The following PAFAH1B1 variants were observed in gnomAD, a reference collection of about 807,000 sequenced individuals.
PAFAH1B1 encodes the protein platelet activating factor acetylhydrolase 1b regulatory subunit 1.
In PAFAH1B1, 2 loss-of-function variants were observed where a neutral mutation model predicts 57.5. The observed-to-expected ratio is 0.03, with a 90% CI of 0.01 to 0.11. PAFAH1B1 has a LOEUF of 0.11. PAFAH1B1 is among the 10% of genes least tolerant of loss of function. The pLI is 1.00. For synonymous variants in PAFAH1B1, 152 were observed against 169.6 expected (o/e 0.90, Z 0.81); for missense variants, 257 against 512.0 (o/e 0.50, Z 4.81).
intron 1 of PAFAH1B1, among the ~76,000 whole-genome samples, chr17:2,608,963 A>G (rs1486698821): frequency 6.6e-6 from 1 of 152,176 alleles, no homozygotes; most frequent in Admixed American, 6.5e-5. Flanking sequence ...ATATTTATTC[A>G]TTATCTAGCC....
rs138825463 is a variant in PAFAH1B1, at chr17:2,605,921, A to G, written c.-191+11915A>G. Among the ~76,000 whole-genome samples the G allele has an allele frequency of 5.6e-3, 849 of 152,238 alleles. 4 individuals are homozygous for G. The highest frequency in any genetic ancestry group is 8.2e-3 in the Non-Finnish European group (561 of 68,028). The stretch of plus-strand genomic sequence containing the variant: ...GACCTTTGCTTTCTGCTTTCTTGTG[A>G]TGGCAAAAATGATTTGTTGTCTGTC... On this transcript the variant is annotated intron_variant, in intron 1 of 10. Coordinates refer to ENST00000397195, the MANE Select transcript of PAFAH1B1 (RefSeq NM_000430.4).
chr17:2,651,660 T>C (rs2068851700), intron 2 of PAFAH1B1, among the ~76,000 whole-genome samples: 1 of 137,358 alleles, frequency 7.3e-6, no homozygotes, highest in Non-Finnish European at 1.7e-5. Context: ...GTAAACCTCC[T>C]TGCTTCTCTT....
chr17:2,617,638 C>G (rs1236985640), intron 1 of PAFAH1B1, among the ~76,000 whole-genome samples: 1 of 152,178 alleles, frequency 6.6e-6, no homozygotes, highest in Non-Finnish European at 1.5e-5. Context: ...GTGTTTGAGG[C>G]CAGGCATGGT....
intron 2 of PAFAH1B1, among the ~76,000 whole-genome samples, chr17:2,653,522 A>G (rs2068895675): frequency 6.6e-6 from 1 of 152,092 alleles, no homozygotes; most frequent in South Asian, 2.1e-4. Flanking sequence ...TCAAACAGGT[A>G]TTTTCCACTC....
intron 5 of PAFAH1B1, chr17:2,667,612 T>G (rs1243016351): frequency 4.3e-6 from 1 of 232,894 alleles, no homozygotes; most frequent in African/African-American, 2.4e-5. Flanking sequence ...AGTGTGTGTC[T>G]TACCTTTAAA....
chr17:2,670,421 A>C, intron 6 of PAFAH1B1, 90 bp downstream of exon 6: 3 of 1,189,358 alleles, frequency 2.5e-6, no homozygotes, highest in Non-Finnish European at 3.8e-6. Context: ...GTGTTCCTTT[A>C]TTCACCTCTT....
chr17:2,617,231 G>A (rs956850626), intron 1 of PAFAH1B1, among the ~76,000 whole-genome samples: 3 of 152,160 alleles, frequency 2.0e-5, no homozygotes, highest in African/African-American at 7.2e-5. Context: ...TGCAGCACTT[G>A]CCTTTAATAC....
chr17:2,665,945 A>G, intron 3 of PAFAH1B1, 71 bp from the exon 4 acceptor site: 2 of 1,323,818 alleles, frequency 1.5e-6, no homozygotes, highest in Non-Finnish European at 2.0e-6. Context: ...TTGGACTTAA[A>G]GATGAATGAT....
chr17:2,595,435 T>C (rs372207510), intron 1 of PAFAH1B1, among the ~76,000 whole-genome samples: 6 of 150,892 alleles, frequency 4.0e-5, no homozygotes, highest in African/African-American at 1.2e-4. Context: ...TTTTTTTTTT[T>C]TTGCTGCAGC....
At chr17:2,625,208 C>T (rs2068473873) in intron 1 of PAFAH1B1, among the ~76,000 whole-genome samples, 1 of 152,072 alleles carries the variant, frequency 6.6e-6, no homozygotes, top group Non-Finnish European at 1.5e-5. Context: ...AGTGCTTAAG[C>T]AACAGTGTCC....
At chr17:2,595,055 C>T (rs1287562533) in intron 1 of PAFAH1B1, among the ~76,000 whole-genome samples, 1 of 152,096 alleles carries the variant, frequency 6.6e-6, no homozygotes, top group Non-Finnish European at 1.5e-5. Context: ...GGGGTTTGGG[C>T]CCAATTTATA....
At chr17:2,659,304 CA>C in intron 2 of PAFAH1B1, 1 of 163,730 alleles carries the variant, frequency 6.1e-6, no homozygotes, top group Non-Finnish European at 1.3e-5. Context: ...TTTGGGAGGC[CA>C]AGGCGGGCGG....
intron 2 of PAFAH1B1, among the ~76,000 whole-genome samples, chr17:2,652,594 T>C (rs2068877782): frequency 6.6e-6 from 1 of 152,184 alleles, no homozygotes; most frequent in East Asian, 1.9e-4. Context: ...TTGGCATTGA[T>C]TGGAAAGCGG....
At chr17:2,654,888 T>C (rs1249367313) in intron 2 of PAFAH1B1, among the ~76,000 whole-genome samples, 1 of 151,824 alleles carries the variant, frequency 6.6e-6, no homozygotes, top group Admixed American at 6.6e-5. Flanking sequence ...GCAGTCTGCC[T>C]GCCTCAGCCT....
upstream of PAFAH1B1, chr17:2,593,234 C>T (rs902376840): frequency 2.6e-5 from 4 of 152,232 alleles, no homozygotes; most frequent in Non-Finnish European, 4.4e-5. Context: ...GGTAGGTGGC[C>T]GGGCCCCGCT....
intron 1 of PAFAH1B1, among the ~76,000 whole-genome samples, chr17:2,622,362 T>C (rs927871636): frequency 6.6e-6 from 1 of 152,128 alleles, no homozygotes; most frequent in Non-Finnish European, 1.5e-5. Context: ...AGTTACTTCC[T>C]AGATACAATG....
At position 2,620,655 on chromosome 17, in the gene PAFAH1B1, A is replaced by G. The variant is rs1220732303; in HGVS notation, c.-190-17444A>G. Among the ~76,000 whole-genome samples the G allele has an allele frequency of 2.0e-5, 3 of 152,258 alleles. No individual in the cohort carries two copies. In the East Asian group the frequency reaches 5.8e-4, roughly 29 times the overall value. On this transcript the variant is annotated intron_variant, in intron 1 of 10. Transcript: ENST00000397195. ...GAGGTCGGTAGATCACAAGGTCAAGAGATTGATACCATCCTGGCCAACATG... is the reference window on the plus strand; with the variant it reads ...GAGGTCGGTAGATCACAAGGTCAAGGGATTGATACCATCCTGGCCAACATG...
intron 6 of PAFAH1B1, among the ~76,000 whole-genome samples, chr17:2,671,649 C>G (rs1462186795): frequency 7.5e-6 from 1 of 132,670 alleles, no homozygotes; most frequent in Non-Finnish European, 1.5e-5. Flanking sequence ...GTCACCCAAG[C>G]TGGAGTACAG....
intron 2 of PAFAH1B1, among the ~76,000 whole-genome samples, chr17:2,638,894 A>G (rs1395032148): frequency 3.4e-5 from 5 of 148,268 alleles, no homozygotes; most frequent in East Asian, 2.1e-4. Context: ...GTTTTACCCT[A>G]AGCTTATTTT....
Sources: allele counts gnomAD v4.1 joint callset (sites outside exome capture counted in the v4.1 genomes callset), GRCh38; gene constraint gnomAD v4.1.1; transcripts MANE v1.5; gene names NCBI Gene and HGNC (gene_info 2026-07-23, HGNC 2026-07-21).